The following LIN54 variants were observed in gnomAD, a reference collection of about 807,000 sequenced individuals.
LIN54 encodes protein lin-54 homolog.
LIN54 carries 9 observed loss-of-function variants against 78.7 expected under a neutral mutation model. The observed-to-expected ratio is 0.11, with a 90% CI of 0.07 to 0.20. LIN54 has a LOEUF of 0.20. LIN54 is among the 10% of genes least tolerant of loss of function. The probability of loss-of-function intolerance (pLI) is 1.00; values close to 1 mark genes in which losing one functional copy is unlikely to be tolerated. For missense variants in LIN54, 573 were observed against 889.9 expected, an observed-to-expected ratio of 0.64 and a Z score of 4.53; for synonymous variants, 269 against 318.4, an observed-to-expected ratio of 0.84 and a Z score of 1.65.
rs1163339112 is a variant in LIN54, at chr4:82,976,668, A to G, written c.808+2215T>C. Among the ~76,000 whole-genome samples the G allele has an allele frequency of 2.6e-5, 4 of 152,276 alleles. No homozygotes were observed. In the East Asian group the frequency reaches 7.7e-4, roughly 29 times the overall value. On this transcript the variant is annotated intron_variant, in intron 3 of 12. Coordinates refer to ENST00000340417, the MANE Select transcript of LIN54 (RefSeq NM_194282.4). ...GGTTGCAGTGAGCCAAGATAGCACC[A>G]CTGCACTCCAGCCTCGGTGACAGGG...
chr4:82,947,947 T>C (rs2126046793), intron 4 of LIN54, among the ~76,000 whole-genome samples: 1 of 152,222 alleles, frequency 6.6e-6, no homozygotes, highest in African/African-American at 2.4e-5. Flanking sequence ...ACAAAAATAA[T>C]GCCATTTAGT....
intron 5 of LIN54, among the ~76,000 whole-genome samples, chr4:82,945,221 C>T (rs747639908): frequency 1.1e-4 from 16 of 152,156 alleles, no homozygotes; most frequent in Non-Finnish European, 2.2e-4. Context: ...TATTTACTTT[C>T]GATAAACAAT....
chr4:83,004,514 A>T (rs1729159454), intron 1 of LIN54, among the ~76,000 whole-genome samples: 1 of 144,132 alleles, frequency 6.9e-6, no homozygotes, highest in Non-Finnish European at 1.6e-5. Flanking sequence ...GTTTTGAGAT[A>T]GTGTCTTGCT....
rs1479628605 is a variant in LIN54 at position 82,994,144 on chromosome 4, T to G, written c.-32-9268A>C. Among the ~76,000 whole-genome samples the G allele has an allele frequency of 2.0e-5, 3 of 152,124 alleles. 1 individual carries two copies. ...TATTCCATTAATTTCAATACGTTTT[T>G]ATTATCATTCACTTCAAATGTTTTC... On this transcript the variant is annotated intron_variant, in intron 1 of 12. Transcript: ENST00000340417.
rs760572543 is a variant in LIN54, at chr4:82,984,273, C to T, written c.572G>A (p.Arg191Lys). ...QQIKVVTIGGRPEVKPVIGVS... is the reference protein window; with the variant it reads ...QQIKVVTIGGKPEVKPVIGVS... ...ACCAATGACAGGTTTCACCTCTGGC[C>T]TCCCTCCAATGGTAACTACTTTAAT... The change falls in exon 2 of 13, where the codon AGG becomes AAG. Residue 191 changes from arginine to lysine, a missense_variant. By Grantham distance (26) the Arg-to-Lys change is conservative (BLOSUM62 2). Transcript: ENST00000340417. The T allele has an allele frequency of 1.2e-6, 2 of 1,614,118 alleles. No homozygotes were observed. The highest frequency in any genetic ancestry group is 2.2e-5 in the South Asian group (2 of 91,084).
rs537515663 is a variant in LIN54, at chr4:82,980,386, A to G, written c.685-1380T>C. On this transcript the variant is annotated intron_variant, in intron 2 of 12. Transcript: ENST00000340417. ...GTGACTCAAATGAAAAAATATGACCAACATGAATAACAGAAATACACCGGA... is the reference window on the plus strand; with the variant it reads ...GTGACTCAAATGAAAAAATATGACCGACATGAATAACAGAAATACACCGGA... Among the ~76,000 whole-genome samples, 7 of 152,264 alleles carry G rather than the reference A, an allele frequency of 4.6e-5. No individual in the cohort carries two copies. In the East Asian group the frequency reaches 1.3e-3, roughly 29 times the overall value.
chr4:82,929,445 A>C (rs1358681729), intron 12 of LIN54, among the ~76,000 whole-genome samples: 1 of 152,160 alleles, frequency 6.6e-6, no homozygotes, highest in African/African-American at 2.4e-5. Context: ...AAGGTGCCTG[A>C]CCACTTCCAC....
intron 1 of LIN54, among the ~76,000 whole-genome samples, chr4:82,992,623 C>T (rs890704436): frequency 2.6e-5 from 4 of 152,196 alleles, no homozygotes; most frequent in Non-Finnish European, 4.4e-5. Context: ...GGCGTGAACA[C>T]GACTCACTGA....
rs773037947 is a variant in LIN54, at chr4:82,928,273, T to C, written c.2079A>G (p.Val693=). 1.2e-5 allele frequency: 20 copies of C among 1,614,168 alleles called. No homozygotes were observed. Among genetic ancestry groups the C allele is most frequent in the Non-Finnish European group, 1.7e-5 (20 of 1,179,960 alleles). Residue 693 remains valine, a synonymous_variant, in exon 13 of 13, where the codon GTA becomes GTG. Coordinates refer to ENST00000340417, the MANE Select transcript of LIN54 (RefSeq NM_194282.4). The part of the protein sequence containing the change: ...KLPFTFVTKE[V]AEATCNCLLA... ...GGAGGCAATTACATGTGGCTTCAGC[T>C]ACTTCCTTAGTTACAAATGTAAATG...
At chr4:82,998,008 AATAATATATAT>A (rs368585525) in intron 1 of LIN54, among the ~76,000 whole-genome samples, 46,564 of 134,820 alleles carry the variant, frequency 0.35, 8,819 homozygotes, top group East Asian at 0.52. Context: ...AAAAAAAAAT[AATAATATATAT>A]ATAATAATAT....
At position 82,967,404 on chromosome 4, in the gene LIN54, G is replaced by T. The variant is rs139764881; in HGVS notation, c.951+2923C>A. On this transcript the variant is annotated intron_variant, in intron 4 of 12. Transcript: ENST00000340417. The stretch of plus-strand genomic sequence containing the variant: ...CCAGCCTGGAAAATTCTGCAAGAAA[G>T]AAGATGGCTGCAGCTGTCACAATGG... 6.2e-3 allele frequency among the ~76,000 whole-genome samples: 948 copies of T among 152,244 alleles called. 22 individuals carry two copies. Among genetic ancestry groups the T allele is most frequent in the South Asian group, 0.043 (205 of 4,820 alleles).
At chr4:82,973,559 T>C (rs566955909) in intron 3 of LIN54, among the ~76,000 whole-genome samples, 3 of 152,324 alleles carry the variant, frequency 2.0e-5, no homozygotes, top group African/African-American at 7.2e-5. Context: ...AAGCCACATA[T>C]TGAATAGGCT....
intron 1 of LIN54, among the ~76,000 whole-genome samples, chr4:83,000,779 T>C (rs1307473716): frequency 2.0e-5 from 3 of 150,830 alleles, no homozygotes; most frequent in African/African-American, 4.9e-5. Flanking sequence ...GATGCCATCA[T>C]TGTTATAGAC....
chr4:82,942,681 T>C (rs1233087592), intron 5 of LIN54, among the ~76,000 whole-genome samples: 1 of 152,122 alleles, frequency 6.6e-6, no homozygotes, highest in Non-Finnish European at 1.5e-5. Flanking sequence ...TGACAGTCGC[T>C]GTTCCATGAG....
At chr4:82,963,546 A>C (rs1479404356) in intron 4 of LIN54, among the ~76,000 whole-genome samples, 1 of 152,218 alleles carries the variant, frequency 6.6e-6, no homozygotes, top group Non-Finnish European at 1.5e-5. Context: ...AAAATGTTTA[A>C]CAACAATAGC....
chr4:82,998,542 AAAAG>A (rs3081912), intron 1 of LIN54, among the ~76,000 whole-genome samples: 1 of 148,764 alleles, frequency 6.7e-6, no homozygotes, highest in Admixed American at 6.8e-5. Flanking sequence ...TCAGAGAAAG[AAAAG>A]AAAGAAAGGA....
chr4:82,998,516 A>G (rs1018460682), intron 1 of LIN54, among the ~76,000 whole-genome samples: 2 of 136,614 alleles, frequency 1.5e-5, no homozygotes, highest in African/African-American at 5.5e-5. Flanking sequence ...AACTCGGGCG[A>G]CGGTGCGAGA....
intron 4 of LIN54, among the ~76,000 whole-genome samples, chr4:82,959,328 C>CA (rs1274094408): frequency 1.3e-5 from 2 of 151,540 alleles, no homozygotes; most frequent in African/African-American, 4.8e-5. Context: ...ACCGAGATTC[C>CA]AAAAAAAATT....
intron 3 of LIN54, 32 bp downstream of exon 3, chr4:82,978,851 A>G: frequency 7.4e-7 from 1 of 1,351,602 alleles, no homozygotes; most frequent in Non-Finnish European, 1.0e-6. Context: ...GAAGATAAAT[A>G]TTTAGCTTAA....
Sources: allele counts gnomAD v4.1 joint callset (sites outside exome capture counted in the v4.1 genomes callset), GRCh38; gene constraint gnomAD v4.1.1; transcripts MANE v1.5; gene names NCBI Gene and HGNC (gene_info 2026-07-23, HGNC 2026-07-21).